Variants in DEAF1 observed in about 807,000 individuals in gnomAD.
DEAF1 encodes the protein DEAF1 transcription factor.
DEAF1 carries 53 observed loss-of-function variants against 58.9 expected under a neutral mutation model. That is an observed-to-expected ratio of 0.90 (90% CI 0.72 to 1.13). The LOEUF is 1.13. DEAF1 is among the 50% of genes most tolerant of loss of function. The probability of loss-of-function intolerance (pLI) is 0.00; values close to 1 mark genes in which losing one functional copy is unlikely to be tolerated. For synonymous variants in DEAF1, 385 were observed against 340.4 expected (o/e 1.13, Z -1.44); for missense variants, 685 against 791.4 (o/e 0.87, Z 1.61).
At chr11:693,409 G>C (rs868440814) in intron 1 of DEAF1, 1 of 152,194 alleles carries the variant, frequency 6.6e-6, no homozygotes, top group Non-Finnish European at 1.5e-5. Flanking sequence ...AGCTGACCAA[G>C]GGCAGCCCAG....
intron 11 of DEAF1, among the ~76,000 whole-genome samples, chr11:645,213 C>T (rs1858432409): frequency 1.3e-5 from 2 of 148,918 alleles, no homozygotes; most frequent in Non-Finnish European, 3.0e-5. Flanking sequence ...ACTCTCCAAA[C>T]CAGTTGTTTT....
chr11:655,747 C>T (rs1194052638), intron 10 of DEAF1, among the ~76,000 whole-genome samples: 1 of 149,766 alleles, frequency 6.7e-6, no homozygotes, highest in Non-Finnish European at 1.5e-5. Context: ...CTCCGACATT[C>T]AGTCACTCAC....
At chr11:695,628 C>T, upstream of DEAF1, 1 of 1,245,086 alleles carries the variant, frequency 8.0e-7, no homozygotes, top group Non-Finnish European at 1.0e-6. Context: ...AACGTCGGTT[C>T]TCCACCTCTT....
intron 7 of DEAF1, among the ~76,000 whole-genome samples, chr11:680,369 A>C (rs1162533923): frequency 6.6e-6 from 1 of 152,238 alleles, no homozygotes; most frequent in African/African-American, 2.4e-5. Flanking sequence ...GCAAAAACCC[A>C]GACTTAGTTA....
At chr11:679,066 A>G (rs2133378363) in intron 8 of DEAF1, among the ~76,000 whole-genome samples, 1 of 152,272 alleles carries the variant, frequency 6.6e-6, no homozygotes, top group South Asian at 2.1e-4. Flanking sequence ...TAATCCCAGC[A>G]CTTTGGGAGG....
intron 7 of DEAF1, chr11:680,021 G>A: frequency 1.5e-6 from 1 of 647,568 alleles, no homozygotes. Context: ...GGCCAGGATG[G>A]CAACTTGCCA....
chr11:665,734 C>G (rs1859495705), intron 10 of DEAF1, among the ~76,000 whole-genome samples: 1 of 152,164 alleles, frequency 6.6e-6, no homozygotes, highest in Non-Finnish European at 1.5e-5. Flanking sequence ...ATAGCAGGGA[C>G]AGGTGACGTA....
chr11:657,547 GC>G (rs542896095), intron 10 of DEAF1, among the ~76,000 whole-genome samples: 2 of 152,134 alleles, frequency 1.3e-5, no homozygotes, highest in African/African-American at 2.4e-5. Flanking sequence ...TCTAGGAGAA[GC>G]CCCCCCACGG....
chr11:695,544 G>A, upstream of DEAF1: 1 of 1,192,706 alleles, frequency 8.4e-7, no homozygotes, highest in Non-Finnish European at 1.1e-6. Flanking sequence ...GCCCGTTCCC[G>A]CCGCCGGCGG....
At chr11:701,406 C>CTTTTTT (rs71022955) in intron 1 of DEAF1, among the ~76,000 whole-genome samples, 1 of 64,900 alleles carries the variant, frequency 1.5e-5, no homozygotes, top group Non-Finnish European at 2.7e-5. Flanking sequence ...GACAAGGTTT[C>CTTTTTT]TTTTTTTTTT....
At chr11:703,405 C>T (rs921795326) in intron 1 of DEAF1, 11 of 1,343,874 alleles carry the variant, frequency 8.2e-6, no homozygotes, top group Non-Finnish European at 1.0e-5. Flanking sequence ...AGATGAGTCC[C>T]AGGAGCGCAC....
chr11:686,719 A>C (rs1437957609), intron 5 of DEAF1, 139 bp downstream of exon 5: 2 of 1,157,190 alleles, frequency 1.7e-6, no homozygotes, highest in Non-Finnish European at 2.5e-6. Flanking sequence ...CACTCGCCCA[A>C]GGCCACACAG....
chr11:679,228 C>T (rs1170974363), intron 8 of DEAF1, among the ~76,000 whole-genome samples: 3 of 151,198 alleles, frequency 2.0e-5, no homozygotes, highest in South Asian at 4.2e-4. Context: ...GGCAGGAGAA[C>T]GGTGTGAACC....
At chr11:700,622 G>A (rs780031494) in intron 1 of DEAF1, 2 of 1,614,012 alleles carry the variant, frequency 1.2e-6, no homozygotes, top group Admixed American at 1.7e-5. Context: ...CAGGTCAGGT[G>A]TTCAGCTATC....
upstream of DEAF1, chr11:698,783 G>A (rs201988668): frequency 3.4e-6 from 5 of 1,480,620 alleles, no homozygotes; most frequent in African/African-American, 6.9e-5. Flanking sequence ...AAATAAAGCA[G>A]GGGTGGTTCC....
intron 10 of DEAF1, among the ~76,000 whole-genome samples, chr11:668,769 C>T (rs768987534): frequency 6.6e-6 from 1 of 152,126 alleles, no homozygotes; most frequent in Non-Finnish European, 1.5e-5. Flanking sequence ...CTGCAGTGAG[C>T]CGAGGTCACA....
In DEAF1 at chr11:686,853, G is replaced by A. The variant is rs755156293; in HGVS notation, c.804+5C>T. 4.9e-5 allele frequency: 79 copies of A among 1,613,954 alleles called. No homozygotes were observed. The highest frequency in any genetic ancestry group is 8.8e-5 in the South Asian group (8 of 91,082). The stretch of plus-strand genomic sequence containing the variant: ...GCTGAGCACAGGTGAGGTCACGGAC[G>A]ATACCTGGATGAGGCACTGCAAGGG... On this transcript the variant is annotated splice_donor_5th_base_variant and intron_variant, in intron 5 of 11. Transcript: ENST00000382409.
At chr11:648,340 G>A (rs565090890) in intron 11 of DEAF1, among the ~76,000 whole-genome samples, 17 of 151,836 alleles carry the variant, frequency 1.1e-4, no homozygotes, top group East Asian at 1.9e-4. Flanking sequence ...GACTACAGGC[G>A]CCCACCACCA....
chr11:695,834 G>A (rs957782015), upstream of DEAF1: 14 of 1,230,394 alleles, frequency 1.1e-5, no homozygotes, highest in Admixed American at 5.9e-4. Flanking sequence ...TAAGATGGCG[G>A]CCCCGCGGCG....
Sources: allele counts gnomAD v4.1 joint callset (sites outside exome capture counted in the v4.1 genomes callset), GRCh38; gene constraint gnomAD v4.1.1; transcripts MANE v1.5; gene names NCBI Gene and HGNC (gene_info 2026-07-23, HGNC 2026-07-21).